The following GALNTL6 variants were observed in gnomAD, a reference collection of about 807,000 sequenced individuals.
GALNTL6 encodes polypeptide N-acetylgalactosaminyltransferase-like 6.
In GALNTL6, 46 loss-of-function variants were observed where a neutral mutation model predicts 73.7. The ratio of observed to expected loss-of-function variants is 0.62; its 90% CI spans 0.49 to 0.80. The LOEUF is 0.80. GALNTL6 is among the 30% of genes least tolerant of loss of function. The pLI is 0.00. For missense variants in GALNTL6, 604 were observed against 755.0 expected (o/e 0.80, Z 2.34); for synonymous variants, 259 against 263.7 (o/e 0.98, Z 0.17).
intron 3 of GALNTL6, among the ~76,000 whole-genome samples, chr4:172,288,933 C>T (rs569736230): frequency 6.6e-6 from 1 of 151,924 alleles, no homozygotes; most frequent in Admixed American, 6.6e-5. Context: ...CTTTTCTTTC[C>T]TCTATTCTGT....
intron 2 of GALNTL6, among the ~76,000 whole-genome samples, chr4:171,904,619 A>G (rs1312544391): frequency 1.3e-5 from 2 of 152,172 alleles, no homozygotes; most frequent in South Asian, 2.1e-4. Flanking sequence ...GCAGGCCAAC[A>G]TTCAGATTCA....
intron 8 of GALNTL6, among the ~76,000 whole-genome samples, chr4:172,888,050 T>C (rs185834223): frequency 1.3e-5 from 2 of 152,316 alleles, no homozygotes; most frequent in East Asian, 3.9e-4. Flanking sequence ...TTTTCACTTG[T>C]TGATTCATTT....
chr4:172,156,545 A>ATATATATATATAGTG (rs1734281459), intron 2 of GALNTL6, among the ~76,000 whole-genome samples: 1 of 67,342 alleles, frequency 1.5e-5, no homozygotes, highest in African/African-American at 7.3e-5. Flanking sequence ...TATATAATAT[A>ATATATATATATAGTG]TATATATATA....
intron 2 of GALNTL6, among the ~76,000 whole-genome samples, chr4:172,066,403 G>A (rs979055032): frequency 3.9e-5 from 6 of 151,958 alleles, no homozygotes; most frequent in African/African-American, 1.5e-4. Context: ...TTATATTTCC[G>A]CCATGTCTTT....
chr4:172,913,454 A>G (rs1300577548), intron 8 of GALNTL6, among the ~76,000 whole-genome samples: 1 of 152,204 alleles, frequency 6.6e-6, no homozygotes, highest in Non-Finnish European at 1.5e-5. Flanking sequence ...GAGCTAAAGG[A>G]GGATGTTCGA....
At chr4:172,385,878 G>A (rs998308003) in intron 5 of GALNTL6, among the ~76,000 whole-genome samples, 6 of 151,544 alleles carry the variant, frequency 4.0e-5, no homozygotes, top group Non-Finnish European at 8.8e-5. Context: ...ATATTTTCAA[G>A]TGTACTATTT....
chr4:172,046,861 C>T (rs1357353995), intron 2 of GALNTL6, among the ~76,000 whole-genome samples: 1 of 152,078 alleles, frequency 6.6e-6, no homozygotes, highest in African/African-American at 2.4e-5. Flanking sequence ...AGTGCAGAAG[C>T]TTTTCGGTTT....
chr4:171,992,174 T>C (rs1184037553), intron 2 of GALNTL6, among the ~76,000 whole-genome samples: 1 of 152,068 alleles, frequency 6.6e-6, no homozygotes, highest in Non-Finnish European at 1.5e-5. Context: ...GCTATTTGAA[T>C]CTGCATGCAT....
At chr4:172,708,502 A>G (rs1486665529) in intron 5 of GALNTL6, among the ~76,000 whole-genome samples, 1 of 152,222 alleles carries the variant, frequency 6.6e-6, no homozygotes, top group East Asian at 1.9e-4. Flanking sequence ...CAGTTCTGCC[A>G]CTTACTAGCT....
intron 10 of GALNTL6, among the ~76,000 whole-genome samples, chr4:173,003,536 T>C (rs891326272): frequency 7.2e-5 from 11 of 152,120 alleles, no homozygotes; most frequent in African/African-American, 2.7e-4. Context: ...AACAAATAAA[T>C]AGTAGCTAAC....
At chr4:172,925,850 T>A (rs1748031657) in intron 8 of GALNTL6, among the ~76,000 whole-genome samples, 1 of 152,342 alleles carries the variant, frequency 6.6e-6, no homozygotes, top group Non-Finnish European at 1.5e-5. Context: ...AAATGTATGT[T>A]GTTTTAAACA....
intron 5 of GALNTL6, among the ~76,000 whole-genome samples, chr4:172,589,547 C>G (rs1737554096): frequency 6.6e-6 from 1 of 152,170 alleles, no homozygotes; most frequent in African/African-American, 2.4e-5. Flanking sequence ...AGCTAGCCAC[C>G]AATTGATCTA....
chr4:172,302,468 G>A (rs972284524), intron 3 of GALNTL6, among the ~76,000 whole-genome samples: 3 of 152,086 alleles, frequency 2.0e-5, no homozygotes, highest in African/African-American at 4.8e-5. Flanking sequence ...GCTCATGCTG[G>A]GAGCTGTAGA....
chr4:172,870,698 G>C (rs531287074), intron 7 of GALNTL6, among the ~76,000 whole-genome samples: 1 of 152,350 alleles, frequency 6.6e-6, no homozygotes, highest in African/African-American at 2.4e-5. Context: ...TTTGGAGATA[G>C]TTGAACAGTT....
At chr4:172,138,364 A>G (rs28666601) in intron 2 of GALNTL6, among the ~76,000 whole-genome samples, 1 of 143,516 alleles carries the variant, frequency 7.0e-6, no homozygotes, top group African/African-American at 2.6e-5. Flanking sequence ...TGTCCTTTGC[A>G]TTTCGTTTTA....
At chr4:172,063,138 C>T (rs1731259037) in intron 2 of GALNTL6, among the ~76,000 whole-genome samples, 1 of 152,186 alleles carries the variant, frequency 6.6e-6, no homozygotes. Flanking sequence ...TAGTGCCTTC[C>T]ACCCTTGGAA....
intron 5 of GALNTL6, among the ~76,000 whole-genome samples, chr4:172,593,201 T>A (rs79743818): frequency 0.031 from 4,719 of 152,294 alleles, 117 homozygotes; most frequent in South Asian, 0.085. Context: ...ATTTATAGAC[T>A]TCTCAAACAT....
intron 3 of GALNTL6, among the ~76,000 whole-genome samples, chr4:172,237,749 T>C (rs1737288277): frequency 6.6e-6 from 1 of 152,180 alleles, no homozygotes; most frequent in South Asian, 2.1e-4. Context: ...TAATCCATCT[T>C]GAGCTGATTT....
intron 12 of GALNTL6, among the ~76,000 whole-genome samples, chr4:173,038,173 A>T (rs1579813156): frequency 6.6e-6 from 1 of 152,258 alleles, no homozygotes; most frequent in South Asian, 2.1e-4. Context: ...TGACTATAAC[A>T]GCTTAAGAGT....
Sources: allele counts gnomAD v4.1 joint callset (sites outside exome capture counted in the v4.1 genomes callset), GRCh38; gene constraint gnomAD v4.1.1; transcripts MANE v1.5; gene names NCBI Gene and HGNC (gene_info 2026-07-23, HGNC 2026-07-21).